The following GPHN variants were observed in gnomAD, a reference collection of about 807,000 sequenced individuals.
GPHN encodes gephyrin.
A neutral mutation model predicts 95.5 loss-of-function variants in GPHN; 17 were observed. The observed-to-expected ratio is 0.18, with a 90% CI of 0.12 to 0.27. The LOEUF is 0.27. GPHN is among the 10% of genes least tolerant of loss of function. The probability of loss-of-function intolerance (pLI) is 1.00; values close to 1 mark genes in which losing one functional copy is unlikely to be tolerated. For missense variants in GPHN, 660 were observed against 978.1 expected (o/e 0.67, Z 4.34); for synonymous variants, 320 against 322.5 (o/e 0.99, Z 0.08).
the GPHN span, among the ~76,000 whole-genome samples, chr14:67,490,892 C>T: frequency 6.6e-6 from 1 of 152,158 alleles, no homozygotes; most frequent in East Asian, 1.9e-4. Flanking sequence ...ATGGGGTGGG[C>T]GTGGAGGGGG....
chr14:66,556,461 G>A (rs145264057), intron 1 of GPHN, among the ~76,000 whole-genome samples: 243 of 152,232 alleles, frequency 1.6e-3, no homozygotes, highest in African/African-American at 5.4e-3. Flanking sequence ...AACAACTTCT[G>A]TACTCTTGGT....
Position 67,089,037 on chromosome 14 carries a change from C to G in GPHN, c.1199C>G (p.Pro400Arg), listed in dbSNP as rs1379719209. The change falls in exon 12 of 23, where the codon CCC (proline) becomes CGC (arginine). Residue 400 changes from proline to arginine, a missense_variant. By Grantham distance (103) the Pro-to-Arg change is moderately radical. Coordinates refer to ENST00000478722, the MANE Select transcript of GPHN (RefSeq NM_020806.5). ...GTATATGCAAAAGACAATTTACCCC[C>G]CTTCCCAGCATCAGTAAAAGATGGC... ...QDVYAKDNLP[P>R]FPASVKDGYA... 6.2e-7 allele frequency: 1 copy of G among 1,604,434 alleles called. No individual in the cohort carries two copies. The highest frequency in any genetic ancestry group is 8.5e-7 in the Non-Finnish European group (1 of 1,171,400).
At chr14:67,536,580 G>A in the GPHN span, among the ~76,000 whole-genome samples, 12 of 151,786 alleles carry the variant, frequency 7.9e-5, 1 homozygote, top group African/African-American at 2.7e-4. Context: ...GAGGCCTGTG[G>A]TGACCTCTGA....
the GPHN span, among the ~76,000 whole-genome samples, chr14:67,531,223 A>G: frequency 1.3e-5 from 2 of 152,116 alleles, no homozygotes; most frequent in South Asian, 2.1e-4. Context: ...CTGGGCTGCA[A>G]TGAGCTATGA....
chr14:66,961,947 T>TATACAC (rs1555452281), intron 8 of GPHN, among the ~76,000 whole-genome samples: 6 of 75,088 alleles, frequency 8.0e-5, no homozygotes, highest in Middle Eastern at 7.0e-3. Context: ...TATATATATA[T>TATACAC]ACACATATCT....
the GPHN span, among the ~76,000 whole-genome samples, chr14:67,576,692 G>A: frequency 1.3e-5 from 2 of 152,198 alleles, no homozygotes; most frequent in African/African-American, 4.8e-5. This position sits in a 1 kb window ranked among gnomAD's most constrained non-coding sequence, Gnocchi z 4.0. Flanking sequence ...TGACCACTCT[G>A]CATCTGGGGG....
At chr14:66,908,567 A>C (rs938708253) in intron 5 of GPHN, among the ~76,000 whole-genome samples, 1 of 152,052 alleles carries the variant, frequency 6.6e-6, no homozygotes, top group Non-Finnish European at 1.5e-5. Flanking sequence ...ATAACTCCTC[A>C]CTTCTTAGGC....
At chr14:67,162,664 A>G (rs960849475) in intron 19 of GPHN, among the ~76,000 whole-genome samples, 2 of 152,238 alleles carry the variant, frequency 1.3e-5, no homozygotes, top group African/African-American at 4.8e-5. Context: ...TTGCCAAATA[A>G]CCTATCCATA....
chr14:66,569,370 C>T (rs540032936), intron 1 of GPHN, among the ~76,000 whole-genome samples: 144 of 152,124 alleles, frequency 9.5e-4, no homozygotes, highest in Middle Eastern at 6.8e-3. Context: ...ATTGTGCTTT[C>T]TAAAAAAATT....
At chr14:66,737,713 T>C (rs968654010) in intron 2 of GPHN, among the ~76,000 whole-genome samples, 1 of 152,212 alleles carries the variant, frequency 6.6e-6, no homozygotes, top group Admixed American at 6.5e-5. Context: ...TTTCCTTTTC[T>C]GGATTTATGA....
chr14:67,473,799 G>C, the GPHN span: 1 of 1,613,796 alleles, frequency 6.2e-7, no homozygotes, highest in Non-Finnish European at 8.5e-7. The surrounding 1 kb of genome is among the most constrained non-coding windows in gnomAD (Gnocchi z 6.5). Context: ...CGTGACCCCA[G>C]GGAACTTCCA....
At chr14:66,872,718 AAACCCCATCTCTACTAAAAGT>A (rs1203470764) in intron 4 of GPHN, among the ~76,000 whole-genome samples, 1 of 152,004 alleles carries the variant, frequency 6.6e-6, no homozygotes, top group Non-Finnish European at 1.5e-5. Flanking sequence ...CAACATGGTG[AAACCCCATCTCTACTAAAAGT>A]ACAAAATTAG....
the GPHN span, among the ~76,000 whole-genome samples, chr14:67,567,253 A>G: frequency 6.0e-4 from 91 of 152,188 alleles, no homozygotes; most frequent in Non-Finnish European, 9.7e-4. Flanking sequence ...CGGTGGGGGA[A>G]TGAAATGTCA....
the GPHN span, among the ~76,000 whole-genome samples, chr14:67,723,776 A>T: frequency 8.5e-5 from 13 of 152,366 alleles, no homozygotes; most frequent in African/African-American, 2.9e-4. Flanking sequence ...GATGTGCAGG[A>T]AATGTTAGTT....
chr14:67,293,521 G>A, the GPHN span, among the ~76,000 whole-genome samples: 1 of 152,134 alleles, frequency 6.6e-6, no homozygotes, highest in Non-Finnish European at 1.5e-5. Flanking sequence ...TTGTAGATTA[G>A]CACATAATTG....
intron 1 of GPHN, among the ~76,000 whole-genome samples, chr14:66,658,664 T>C (rs1218191842): frequency 1.3e-5 from 2 of 152,150 alleles, no homozygotes; most frequent in Non-Finnish European, 2.9e-5. Flanking sequence ...AATCAAGGTA[T>C]GTACATTTTG....
At chr14:66,689,020 C>G (rs1214232823) in intron 2 of GPHN, among the ~76,000 whole-genome samples, 1 of 152,082 alleles carries the variant, frequency 6.6e-6, no homozygotes, top group Non-Finnish European at 1.5e-5. Context: ...CTGTGTAACA[C>G]ACCTGCATAT....
chr14:66,626,619 A>G (rs1272830591), intron 1 of GPHN, among the ~76,000 whole-genome samples: 1 of 152,136 alleles, frequency 6.6e-6, no homozygotes, highest in Non-Finnish European at 1.5e-5. Flanking sequence ...TTTTGGATGT[A>G]TTTAATAATT....
rs2076831144 is a variant in GPHN at position 67,085,035 on chromosome 14, A to G, written c.1145-3948A>G. ...GGATATGTTTATTAATTTTTAGCCT[A>G]CTAAAGTTTTGGTGGGTTGTAGCAT... On this transcript the variant is annotated intron_variant, in intron 11 of 22. Coordinates refer to ENST00000478722, the MANE Select transcript of GPHN (RefSeq NM_020806.5). Among the ~76,000 whole-genome samples, 3 of 152,236 alleles carry G rather than the reference A, an allele frequency of 2.0e-5. No individual in the cohort carries two copies. In the South Asian group the frequency reaches 6.2e-4, roughly 31 times the overall value.
Sources: gnomAD v4.1 joint callset for allele counts (sites outside exome capture counted in the v4.1 genomes callset) on GRCh38, gnomAD v4.1.1 for gene constraint, Gnocchi (gnomAD v3.1) non-coding constraint, MANE v1.5 for transcripts, NCBI Gene and HGNC (gene_info 2026-07-23, HGNC 2026-07-21) for gene names.